The following MCTP1 variants were observed in gnomAD, a reference collection of about 807,000 sequenced individuals.
The protein encoded by MCTP1 is multiple C2 and transmembrane domain-containing protein 1.
A neutral mutation model predicts 120.6 loss-of-function variants in MCTP1; 69 were observed. The ratio of observed to expected loss-of-function variants is 0.57; its 90% CI spans 0.47 to 0.70. The LOEUF is 0.70. Ranked by LOEUF, MCTP1 falls within the 30% of genes least tolerant of loss-of-function variation. The probability of loss-of-function intolerance (pLI) is 0.00; values close to 1 mark genes in which losing one functional copy is unlikely to be tolerated. For missense variants in MCTP1, 1,203 were observed against 1,248.8 expected (o/e 0.96, Z 0.55); for synonymous variants, 529 against 493.1 (o/e 1.07, Z -0.96).
chr5:94,778,522 G>C (rs1369001154), intron 19 of MCTP1, among the ~76,000 whole-genome samples: 1 of 151,964 alleles, frequency 6.6e-6, no homozygotes, highest in Non-Finnish European at 1.5e-5. Flanking sequence ...ATTTACTGTG[G>C]TCACCCTCCC....
intron 18 of MCTP1, among the ~76,000 whole-genome samples, chr5:94,794,961 T>G (rs1450063286): frequency 1.1e-4 from 16 of 152,308 alleles, no homozygotes; most frequent in Non-Finnish European, 4.4e-5. Context: ...GAAATGTGAT[T>G]GACTGGTGGT....
intron 1 of MCTP1, chr5:95,081,291 A>G: frequency 1.6e-6 from 1 of 612,938 alleles, no homozygotes; most frequent in Non-Finnish European, 2.8e-6. Context: ...ATTAAAAATT[A>G]TCTGTATTAG....
At chr5:94,945,030 A>G (rs1455668463) in intron 3 of MCTP1, among the ~76,000 whole-genome samples, 2 of 152,108 alleles carry the variant, frequency 1.3e-5, no homozygotes, top group African/African-American at 4.8e-5. Context: ...AACACATGTT[A>G]TTTTCCCCCC....
intron 19 of MCTP1, among the ~76,000 whole-genome samples, chr5:94,775,012 C>G (rs1255595969): frequency 1.3e-5 from 2 of 152,042 alleles, no homozygotes; most frequent in Non-Finnish European, 2.9e-5. Flanking sequence ...TGTTTTAGGG[C>G]TGGAGAATCA....
intron 20 of MCTP1, among the ~76,000 whole-genome samples, chr5:94,712,582 T>A (rs562640395): frequency 4.0e-4 from 61 of 152,238 alleles, no homozygotes; most frequent in Non-Finnish European, 6.6e-4. Context: ...TTTCCTAAAA[T>A]TTTTTTCTAC....
chr5:95,157,960 T>C (rs902018403), intron 1 of MCTP1, among the ~76,000 whole-genome samples: 1 of 152,176 alleles, frequency 6.6e-6, no homozygotes. Flanking sequence ...ACAGAAAATA[T>C]CTGCCAACCC....
chr5:95,226,561 C>G (rs1754296123), intron 1 of MCTP1, among the ~76,000 whole-genome samples: 1 of 152,094 alleles, frequency 6.6e-6, no homozygotes, highest in South Asian at 2.1e-4. Context: ...ACTAAGCTCT[C>G]TGTCACAATT....
chr5:94,804,364 C>T (rs1000488372), intron 17 of MCTP1, among the ~76,000 whole-genome samples: 2 of 152,162 alleles, frequency 1.3e-5, no homozygotes, highest in African/African-American at 4.8e-5. Context: ...CACAAGTTGG[C>T]TATGGAAAAG....
rs534336081 is a variant in MCTP1, at chr5:95,068,743, G to A, written c.721-51259C>T. Reference sequence around the variant, plus strand: ...AAGCTTTTATGCCTAATTAAACACCGAGCTAACACACTTTGTCAGTCATTT... The same window carrying A: ...AAGCTTTTATGCCTAATTAAACACCAAGCTAACACACTTTGTCAGTCATTT... On this transcript the variant is annotated intron_variant, in intron 1 of 22. Coordinates refer to ENST00000515393, the MANE Select transcript of MCTP1 (RefSeq NM_024717.7). 1.5e-4 allele frequency: 182 copies of A among 1,201,674 alleles called. 3 individuals carry two copies. In the South Asian group the frequency reaches 2.2e-3, roughly 15 times the overall value. 74.4% of individuals were successfully genotyped at this position (1,201,674 alleles called of 1,614,324 possible). A position where few individuals can be genotyped will look rare whatever the true frequency, so the allele number is the denominator to read the frequency against.
chr5:95,249,138 C>G (rs562142125), intron 1 of MCTP1, among the ~76,000 whole-genome samples: 1 of 152,184 alleles, frequency 6.6e-6, no homozygotes, highest in East Asian at 1.9e-4. Context: ...AAAGCAATGG[C>G]AACAAAAGCC....
chr5:94,888,671 T>A (rs1011618845), intron 12 of MCTP1, among the ~76,000 whole-genome samples: 1 of 152,226 alleles, frequency 6.6e-6, no homozygotes, highest in Non-Finnish European at 1.5e-5. Context: ...TGTTTTTTAG[T>A]GTTTATTTTT....
chr5:95,156,388 T>C (rs1745133604), intron 1 of MCTP1, among the ~76,000 whole-genome samples: 1 of 152,212 alleles, frequency 6.6e-6, no homozygotes, highest in African/African-American at 2.4e-5. Context: ...TTAAAGATAT[T>C]CTGAATCCAA....
chr5:95,126,242 T>C (rs376615752), intron 1 of MCTP1, among the ~76,000 whole-genome samples: 57 of 152,322 alleles, frequency 3.7e-4, no homozygotes, highest in African/African-American at 1.2e-3. Flanking sequence ...AGAGGTAAAC[T>C]GAAGACATCA....
intron 17 of MCTP1, among the ~76,000 whole-genome samples, chr5:94,808,771 A>G (rs1031259143): frequency 5.3e-5 from 8 of 152,136 alleles, no homozygotes; most frequent in African/African-American, 1.7e-4. Flanking sequence ...GAAGGAGTAG[A>G]AAAAAAGTGA....
chr5:94,868,728 AT>A lies in MCTP1; in HGVS notation c.2317-277del, dbSNP rs558422745. The stretch of plus-strand genomic sequence containing the variant: ...AAAAAAAAATTTCTAACAGACTAAA[AT>A]TTTTTTTTGTTACTTACATACTATG... On this transcript the variant is annotated intron_variant, in intron 16 of 22. Coordinates refer to ENST00000515393, the MANE Select transcript of MCTP1 (RefSeq NM_024717.7). Among the ~76,000 whole-genome samples, 747 of 151,614 alleles carry A rather than the reference AT, an allele frequency of 4.9e-3. 2 individuals carry two copies. Among genetic ancestry groups the A allele is most frequent in the Non-Finnish European group, 8.0e-3 (542 of 67,784 alleles).
At chr5:94,977,617 G>A (rs1345716853) in intron 2 of MCTP1, among the ~76,000 whole-genome samples, 5 of 152,062 alleles carry the variant, frequency 3.3e-5, no homozygotes, top group Non-Finnish European at 7.4e-5. Context: ...CTGTGAAAAA[G>A]ACAGACATAT....
chr5:95,251,747 T>C (rs1246009494), intron 1 of MCTP1, among the ~76,000 whole-genome samples: 1 of 152,122 alleles, frequency 6.6e-6, no homozygotes, highest in African/African-American at 2.4e-5. Flanking sequence ...CCTGGCTCTG[T>C]TCTAAGCAGT....
chr5:94,909,488 G>A (rs142467238), intron 9 of MCTP1, 107 bp from the exon 10 acceptor site: 7 of 1,034,146 alleles, frequency 6.8e-6, no homozygotes, highest in East Asian at 2.6e-5. Flanking sequence ...AGAAAAGCAC[G>A]CTGTGTGCTA....
intron 17 of MCTP1, among the ~76,000 whole-genome samples, chr5:94,804,445 C>A (rs1297432533): frequency 6.6e-6 from 1 of 151,932 alleles, no homozygotes; most frequent in Non-Finnish European, 1.5e-5. Flanking sequence ...CTTTTCTTTT[C>A]TTTTCTTTTT....
Sources: allele counts gnomAD v4.1 joint callset (sites outside exome capture counted in the v4.1 genomes callset), GRCh38; gene constraint gnomAD v4.1.1; transcripts MANE v1.5; gene names NCBI Gene and HGNC (gene_info 2026-07-23, HGNC 2026-07-21).